Variants in PDIA5 observed in about 807,000 individuals in gnomAD.
The protein encoded by PDIA5 is protein disulfide isomerase family A member 5, also known as protein disulfide-isomerase A5.
Under a neutral mutation model 77.6 loss-of-function variants are expected in PDIA5, and 58 were observed. That is an observed-to-expected ratio of 0.75 (90% CI 0.61 to 0.93). The LOEUF is 0.93. Ranked by LOEUF, PDIA5 falls within the 40% of genes least tolerant of loss-of-function variation. The probability of loss-of-function intolerance (pLI) is 0.00; values close to 1 mark genes in which losing one functional copy is unlikely to be tolerated. For missense variants in PDIA5, 630 were observed against 647.7 expected (o/e 0.97, Z 0.30); for synonymous variants, 250 against 252.1 (o/e 0.99, Z 0.08).
At chr3:123,127,281 G>T (rs1935263281) in intron 10 of PDIA5, among the ~76,000 whole-genome samples, 1 of 152,156 alleles carries the variant, frequency 6.6e-6, no homozygotes, top group African/African-American at 2.4e-5. Flanking sequence ...GATCAGAAGG[G>T]AACATACAAG....
rs1283940342 is a variant in PDIA5 at position 123,092,423 on chromosome 3, A to G, written c.238A>G (p.Ile80Val). 1 of 1,613,684 alleles carries G rather than the reference A, an allele frequency of 6.2e-7. No homozygotes were observed. Among genetic ancestry groups the G allele is most frequent in the Non-Finnish European group, 8.5e-7 (1 of 1,179,708 alleles). The change falls in exon 3 of 17, where the codon ATC (isoleucine) becomes GTC (valine). Residue 80 changes from isoleucine (I) to valine (V), a missense_variant. Ile to Val is a conservative substitution (Grantham distance 29). Coordinates refer to ENST00000316218, the MANE Select transcript of PDIA5 (RefSeq NM_006810.4). ...VAQAVKGQGT[I>V]CWVDCGDAES... ...CCAGGCGGTGAAAGGACAAGGGACC[A>G]TCTGCTGGGTGGACTGTGGGTATGT...
chr3:123,150,444 C>T, intron 14 of PDIA5, 80 bp downstream of exon 14: 22 of 1,411,984 alleles, frequency 1.6e-5, no homozygotes, highest in Non-Finnish European at 1.9e-5. Context: ...GCACACCCAC[C>T]CCAGGGACCA....
chr3:123,121,466 A>G (rs836849), intron 8 of PDIA5, among the ~76,000 whole-genome samples: 108,370 of 152,186 alleles, frequency 0.71, 39,517 homozygotes, highest in Non-Finnish European at 0.8. Flanking sequence ...AAGTGTTTGT[A>G]TGTAGTTTTT....
chr3:123,146,221 G>A lies in PDIA5; in HGVS notation c.1104G>A (p.Val368=). ...ATGGAGAGAAATACGCAGTGCCTGT[G>A]CTCAGGACAAAGAAGAAGTTTCTCG... The part of the protein sequence containing the change: ...FKNGEKYAVP[V]LRTKKKFLEW... The change falls in exon 13 of 17, where the codon GTG becomes GTA. Residue 368 remains valine (V), a synonymous_variant. Coordinates refer to ENST00000316218, the MANE Select transcript of PDIA5 (RefSeq NM_006810.4). 4 of 1,614,136 alleles carry A rather than the reference G, an allele frequency of 2.5e-6. No individual in the cohort carries two copies. The South Asian group carries it at 3.3e-5, about 13-fold the overall frequency.
At chr3:123,125,374 A>G (rs186610793) in intron 10 of PDIA5, among the ~76,000 whole-genome samples, 90 of 152,314 alleles carry the variant, frequency 5.9e-4, no homozygotes, top group African/African-American at 2.1e-3. Flanking sequence ...CATTTTATGA[A>G]TGAGGTCCCT....
At chr3:123,154,807 G>A (rs1463933934) in intron 14 of PDIA5, among the ~76,000 whole-genome samples, 164 bp from the exon 15 acceptor site, 1 of 152,144 alleles carries the variant, frequency 6.6e-6, no homozygotes, top group African/African-American at 2.4e-5. Context: ...ACATGGGTGG[G>A]AGGTGGTTAG....
chr3:123,124,943 C>T (rs919600773), intron 10 of PDIA5, among the ~76,000 whole-genome samples: 4 of 152,172 alleles, frequency 2.6e-5, no homozygotes, highest in Non-Finnish European at 5.9e-5. Flanking sequence ...TTCATTGCAA[C>T]CTGTGATCCC....
Position 123,092,437 on chromosome 3 carries a change from C to A in PDIA5, c.252C>A (p.Asp84Glu). Residue 84 changes from aspartate to glutamate, a missense_variant, in exon 3 of 17, where the codon GAC becomes GAA. Physicochemically the swap from Asp to Glu is conservative, Grantham distance 45 (BLOSUM62 2). Transcript: ENST00000316218. The part of the protein sequence containing the change: ...VKGQGTICWV[D>E]CGDAESRKLC... The stretch of plus-strand genomic sequence containing the variant: ...GACAAGGGACCATCTGCTGGGTGGA[C>A]TGTGGGTATGTGCTGGGGCCATGTG... 1 of 1,612,920 alleles carries A rather than the reference C, an allele frequency of 6.2e-7. No individual in the cohort carries two copies. The highest frequency in any genetic ancestry group is 8.5e-7 in the Non-Finnish European group (1 of 1,179,058).
intron 11 of PDIA5, among the ~76,000 whole-genome samples, chr3:123,143,477 C>G (rs547683039): frequency 1.3e-5 from 2 of 151,546 alleles, no homozygotes; most frequent in Non-Finnish European, 2.9e-5. Context: ...AATAGGGCTA[C>G]AAGCAGCTGC....
intron 7 of PDIA5, among the ~76,000 whole-genome samples, chr3:123,114,737 C>T (rs977700504): frequency 2.0e-5 from 3 of 152,234 alleles, no homozygotes; most frequent in African/African-American, 2.4e-5. Flanking sequence ...TGATGGTGTT[C>T]GCACTGAGGT....
At chr3:123,133,189 C>G (rs929650572) in intron 11 of PDIA5, among the ~76,000 whole-genome samples, 2 of 152,116 alleles carry the variant, frequency 1.3e-5, no homozygotes, top group Admixed American at 1.3e-4. Context: ...TCTGAGAATC[C>G]CCAGTGATCA....
At chr3:123,123,339 T>G (rs1935163663) in intron 8 of PDIA5, among the ~76,000 whole-genome samples, 1 of 152,204 alleles carries the variant, frequency 6.6e-6, no homozygotes, top group Non-Finnish European at 1.5e-5. Flanking sequence ...GATTCAGGGA[T>G]AGTGGACATG....
chr3:123,138,305 C>A (rs1013957919), intron 11 of PDIA5, among the ~76,000 whole-genome samples: 1 of 152,140 alleles, frequency 6.6e-6, no homozygotes, highest in African/African-American at 2.4e-5. Context: ...GTCCCCTTAA[C>A]ATTATCTTGT....
chr3:123,073,711 T>C (rs1933783522), intron 1 of PDIA5, among the ~76,000 whole-genome samples: 1 of 152,186 alleles, frequency 6.6e-6, no homozygotes, highest in Non-Finnish European at 1.5e-5. Flanking sequence ...CTAGATGGTG[T>C]GATGGTGGGC....
intron 15 of PDIA5, among the ~76,000 whole-genome samples, chr3:123,158,063 C>T (rs987659948): frequency 6.6e-6 from 1 of 152,232 alleles, no homozygotes; most frequent in Non-Finnish European, 1.5e-5. Context: ...CTGGCTACTG[C>T]CTTTTCCAAG....
chr3:123,112,503 G>A (rs1370523634), intron 7 of PDIA5, among the ~76,000 whole-genome samples: 5 of 145,176 alleles, frequency 3.4e-5, no homozygotes, highest in East Asian at 2.0e-4. Context: ...TAGCTTATTC[G>A]CCATGACAGC....
intron 8 of PDIA5, among the ~76,000 whole-genome samples, chr3:123,118,514 C>T (rs943721319): frequency 9.2e-5 from 14 of 152,262 alleles, no homozygotes; most frequent in African/African-American, 3.4e-4. Flanking sequence ...CAGTGCATCT[C>T]GTGGGCCATT....
chr3:123,099,710 C>G (rs556824340), intron 3 of PDIA5, among the ~76,000 whole-genome samples: 3 of 152,322 alleles, frequency 2.0e-5, no homozygotes, highest in Admixed American at 6.5e-5. Flanking sequence ...TGGTCCTAAG[C>G]CTTGCCTGGG....
At chr3:123,112,421 G>T (rs549825461) in intron 7 of PDIA5, among the ~76,000 whole-genome samples, 17 of 151,654 alleles carry the variant, frequency 1.1e-4, no homozygotes, top group Non-Finnish European at 2.4e-4. Context: ...TCCCATCTGT[G>T]CCCTGGGGAT....
Sources: allele counts gnomAD v4.1 joint callset (sites outside exome capture counted in the v4.1 genomes callset), GRCh38; gene constraint gnomAD v4.1.1; transcripts MANE v1.5; gene names NCBI Gene and HGNC (gene_info 2026-07-23, HGNC 2026-07-21).